Variants in RRP12 observed in about 807,000 individuals in gnomAD.
RRP12 encodes the protein ribosomal RNA processing 12 homolog.
In RRP12, 78 loss-of-function variants were observed where a neutral mutation model predicts 157.3. That is an observed-to-expected ratio of 0.50 (90% CI 0.41 to 0.60). The LOEUF (loss-of-function observed/expected upper bound fraction) is 0.60. RRP12 is among the 20% of genes least tolerant of loss of function. The pLI, the probability that RRP12 is intolerant of heterozygous loss-of-function variation, is 0.00. For synonymous variants in RRP12, 726 were observed against 670.9 expected, an observed-to-expected ratio of 1.08 and a Z score of -1.27; for missense variants, 1,521 against 1,679.9, an observed-to-expected ratio of 0.91 and a Z score of 1.65.
At chr10:97,366,714 G>A (rs755832740) in intron 27 of RRP12, 28 bp downstream of exon 27, 80 of 1,605,022 alleles carry the variant, frequency 5.0e-5, no homozygotes, top group Middle Eastern at 1.7e-4. Context: ...GGGGGACACC[G>A]GGTCCCATGG....
At chr10:97,393,907 G>T in intron 3 of RRP12, 147 bp from the exon 4 acceptor site, 1 of 628,582 alleles carries the variant, frequency 1.6e-6, no homozygotes, top group Non-Finnish European at 2.8e-6. Context: ...GCATTGTGTG[G>T]TTTTGGGCTA....
At chr10:97,391,213 C>T (rs1844794279) in intron 4 of RRP12, among the ~76,000 whole-genome samples, 1 of 152,194 alleles carries the variant, frequency 6.6e-6, no homozygotes, top group Non-Finnish European at 1.5e-5. Context: ...GGTATAATGA[C>T]CCAGTCACCC....
chr10:97,370,901 C>A (rs559492753), intron 21 of RRP12, 22 bp downstream of exon 21: 1 of 1,613,122 alleles, frequency 6.2e-7, no homozygotes, highest in Non-Finnish European at 8.5e-7. Context: ...CTCGGCAGAG[C>A]GGGTGGCCCT....
rs1364272456 is a variant in RRP12 at position 97,397,441 on chromosome 10, C to T, written c.370-1140G>A. On this transcript the variant is annotated intron_variant, in intron 2 of 33. Coordinates refer to ENST00000370992, the MANE Select transcript of RRP12 (RefSeq NM_015179.4). ...CCTCCCAAAGTGCTAGGATTACAGG[C>T]GTGAGCCACCTCGCCTGGTATATTA... Among the ~76,000 whole-genome samples, 4 of 152,122 alleles carry T rather than the reference C, an allele frequency of 2.6e-5. No individual in the cohort carries two copies. In the East Asian group the frequency reaches 5.8e-4, roughly 22 times the overall value.
Position 97,366,110 on chromosome 10 carries a change from T to C in RRP12, c.3515A>G (p.Lys1172Arg). 8 of 1,602,566 alleles carry C rather than the reference T, an allele frequency of 5.0e-6. No individual in the cohort carries two copies. Among genetic ancestry groups the C allele is most frequent in the Non-Finnish European group, 6.8e-6 (8 of 1,179,854 alleles). ...ATGGACAAGCGCGTTGGGCCCACCT[T>C]TGGCACCTTCCTCTTCCTCCATCTT... ...GNKMEEEEGAKGEDEEMADPM... is the reference protein window; with the variant it reads ...GNKMEEEEGARGEDEEMADPM... The change falls in exon 29 of 34, where the codon AAA becomes AGA. Residue 1172 changes from lysine to arginine, a missense_variant and splice_region_variant. Lys to Arg is a conservative substitution (Grantham distance 26). Transcript: ENST00000370992.
At chr10:97,400,183 C>A (rs757350947) in intron 2 of RRP12, 122 bp downstream of exon 2, 53 of 746,906 alleles carry the variant, frequency 7.1e-5, no homozygotes, top group Non-Finnish European at 1.1e-4. Context: ...AGGGGAGGAG[C>A]GATGACGCAT....
chr10:97,397,600 A>G (rs1163208017), intron 2 of RRP12, among the ~76,000 whole-genome samples: 1 of 152,124 alleles, frequency 6.6e-6, no homozygotes, highest in Non-Finnish European at 1.5e-5. Flanking sequence ...AAAGAATGAG[A>G]ACAACTATAT....
At chr10:97,368,359 A>C (rs977361291) in intron 25 of RRP12, among the ~76,000 whole-genome samples, 1 of 147,680 alleles carries the variant, frequency 6.8e-6, no homozygotes, top group Non-Finnish European at 1.5e-5. Context: ...AAGGGCTTCT[A>C]TAAATCCCTT....
At position 97,381,910 on chromosome 10, in the gene RRP12, C is replaced by G. The variant is rs200119383; in HGVS notation, c.1209-84G>C. On this transcript the variant is annotated intron_variant, in intron 10 of 33. Transcript: ENST00000370992. Reference sequence around the variant, plus strand: ...AGGGCTCAGGGCTGAGACGGCCCAGCTCTGAAAACAGTCACAAACCCAGTG... The same window carrying G: ...AGGGCTCAGGGCTGAGACGGCCCAGGTCTGAAAACAGTCACAAACCCAGTG... 71 of 905,772 alleles carry G rather than the reference C, an allele frequency of 7.8e-5. No homozygotes were observed. In the East Asian group the frequency reaches 1.7e-3, roughly 22 times the overall value. The allele number at this position is 905,772 out of a possible 1,614,324, so 56.1% of individuals were successfully genotyped here.
In RRP12 at chr10:97,366,455, G is replaced by A; in HGVS notation, c.3382C>T (p.Arg1128Ter). The A allele has an allele frequency of 1.2e-6, 2 of 1,611,568 alleles. No homozygotes were observed. The highest frequency in any genetic ancestry group is 1.7e-6 in the Non-Finnish European group (2 of 1,178,798). Residue 1128 changes from arginine to a stop codon, truncating the protein, a stop_gained, in exon 28 of 34, where the codon CGA becomes TGA. Coordinates refer to ENST00000370992, the MANE Select transcript of RRP12 (RefSeq NM_015179.4). LOFTEE classifies it high-confidence loss of function. The stretch of plus-strand genomic sequence containing the variant: ...CCAGCCCTGTGCTTACCCAGGACTC[G>A]TTGGGCCACCTTGGGATCCAGGAAG... Reference protein sequence around the residue: ...LNFLDPKVAQRVLATQPGPGR... With the variant: ...LNFLDPKVAQ
intron 25 of RRP12, 114 bp from the exon 26 acceptor site, chr10:97,367,246 G>T: frequency 1.2e-6 from 1 of 849,430 alleles, no homozygotes; most frequent in Non-Finnish European, 1.9e-6. Flanking sequence ...GGGAGGGTTA[G>T]CGCGGCCCTG....
chr10:97,373,404 C>A (rs768713061), intron 17 of RRP12, among the ~76,000 whole-genome samples, 171 bp downstream of exon 17: 6 of 152,246 alleles, frequency 3.9e-5, no homozygotes, highest in Admixed American at 6.5e-5. Flanking sequence ...TGGCTCCAAC[C>A]CCAGGGAGCC....
rs1262073682 is a variant in RRP12 at position 97,366,548 on chromosome 10, G to A, written c.3289C>T (p.Gln1097Ter). 1 of 1,614,070 alleles carries A rather than the reference G, an allele frequency of 6.2e-7. No homozygotes were observed. Among genetic ancestry groups the A allele is most frequent in the East Asian group, 2.2e-5 (1 of 44,876 alleles). Residue 1097 changes from glutamine (Q) to a stop codon, truncating the protein, a stop_gained, in exon 28 of 34, where the codon CAG becomes TAG. Coordinates refer to ENST00000370992, the MANE Select transcript of RRP12 (RefSeq NM_015179.4). LOFTEE classifies it high-confidence loss of function. ...CTCCTCTGTCGTGCCAGCTTCCGCT[G>A]CTCCTTGCCTCGGCTTCTTTCCTCC... ...EEEERSRGKE[Q>*]RKLARQRSRA... is the part of the protein sequence containing the mutation.
chr10:97,396,152 ATCT>A (rs1844956522), intron 3 of RRP12, 63 bp downstream of exon 3: 6 of 1,148,066 alleles, frequency 5.2e-6, no homozygotes, highest in Middle Eastern at 2.0e-4. Context: ...AGGGGCACTC[ATCT>A]TCTCGCTAAA....
chr10:97,372,851 G>A (rs1475836274), intron 18 of RRP12, 48 bp from the exon 19 acceptor site: 17 of 1,529,740 alleles, frequency 1.1e-5, no homozygotes, highest in East Asian at 9.8e-5. Flanking sequence ...GGGGAGGAGC[G>A]AAAGAAAGCA....
intron 8 of RRP12, 83 bp downstream of exon 8, chr10:97,388,169 C>T: frequency 6.4e-7 from 1 of 1,569,018 alleles, no homozygotes; most frequent in Non-Finnish European, 8.7e-7. Context: ...AGACCCCAGG[C>T]CCTGCATTTT....
chr10:97,372,681 A>C, intron 19 of RRP12, 55 bp downstream of exon 19: 1 of 1,408,256 alleles, frequency 7.1e-7, no homozygotes, highest in African/African-American at 1.4e-5. Context: ...TGCCAGATGC[A>C]CCCTCCAGCT....
intron 4 of RRP12, among the ~76,000 whole-genome samples, chr10:97,392,459 C>T (rs978323303): frequency 6.6e-6 from 1 of 152,178 alleles, no homozygotes; most frequent in Admixed American, 6.5e-5. Context: ...AAGTGATTCT[C>T]CTGCCTCAGC....
chr10:97,366,251 G>C lies in RRP12; in HGVS notation c.3392-18C>G. On this transcript the variant is annotated intron_variant, in intron 28 of 33. Transcript: ENST00000370992. ...CTGCGTGGCTGGGGTGTAGAGTTTG[G>C]CATGAGGAGGTGGAAGGCCAGTCCC... 1 of 1,609,826 alleles carries C rather than the reference G, an allele frequency of 6.2e-7. No individual in the cohort carries two copies. Among genetic ancestry groups the C allele is most frequent in the South Asian group, 1.1e-5 (1 of 91,046 alleles).
Sources: allele counts gnomAD v4.1 joint callset (sites outside exome capture counted in the v4.1 genomes callset), GRCh38; gene constraint gnomAD v4.1.1; transcripts MANE v1.5; gene names NCBI Gene and HGNC (gene_info 2026-07-23, HGNC 2026-07-21).